LGI1: variants seen among roughly 807,000 people sequenced by gnomAD.
LGI1 encodes the protein leucine-rich glioma-inactivated protein 1.
LGI1 carries 11 observed loss-of-function variants against 57.7 expected under a neutral mutation model. That is an observed-to-expected ratio of 0.19 (90% CI 0.12 to 0.32). LGI1 has a LOEUF of 0.32. Ranked by LOEUF, LGI1 falls within the 10% of genes least tolerant of loss-of-function variation. The pLI is 1.00. For missense variants in LGI1, 422 were observed against 661.9 expected (o/e 0.64, Z 3.98); for synonymous variants, 222 against 241.9 (o/e 0.92, Z 0.76).
chr10:93,794,782 C>T (rs746631770), intron 7 of LGI1: 1 of 151,778 alleles, frequency 6.6e-6, no homozygotes, highest in Non-Finnish European at 1.5e-5. Context: ...GCTTCTAATA[C>T]CTTTAAATCT....
intron 4 of LGI1, among the ~76,000 whole-genome samples, chr10:93,784,592 C>T (rs1474517426): frequency 2.0e-5 from 3 of 152,142 alleles, no homozygotes; most frequent in Non-Finnish European, 4.4e-5. Flanking sequence ...GCCTGGTACT[C>T]CTTAAACCAA....
chr10:93,789,865 T>C, intron 4 of LGI1: 1 of 501,182 alleles, frequency 2.0e-6, no homozygotes, highest in African/African-American at 1.9e-5. Flanking sequence ...GAGCGAGACT[T>C]TTGTCTCAAG....
At chr10:93,790,076 C>T (rs1052902687) in intron 4 of LGI1, 23 bp from the exon 5 acceptor site, 24 of 1,342,916 alleles carry the variant, frequency 1.8e-5, no homozygotes, top group Non-Finnish European at 2.2e-5. Flanking sequence ...CAGTTTACAT[C>T]ACCTTTTTTT....
Position 93,793,232 on chromosome 10 carries a change from C to A in LGI1, c.720C>A (p.Asp240Glu), listed in dbSNP as rs2059951179. Residue 240 changes from aspartate (D) to glutamate (E), a missense_variant, in exon 7 of 8, where the codon GAC becomes GAA. Around this residue, in one of 3 missense-constraint regions of LGI1, gnomAD observed 301 missense variants for 461.7 expected, o/e 0.65. Transcript: ENST00000371418. ...QDLPYQSLSI[D>E]TFSYLNDEYV... The stretch of plus-strand genomic sequence containing the variant: ...TGCCTTATCAATCATTGTCCATAGA[C>A]ACTTTTTCTTATTTGAATGATGAGT... The A allele has an allele frequency of 1.9e-6, 3 of 1,613,254 alleles. No homozygotes were observed. The highest frequency in any genetic ancestry group is 2.5e-6 in the Non-Finnish European group (3 of 1,179,430).
chr10:93,758,952 T>A lies in LGI1; in HGVS notation c.287+121T>A. 1.2e-6 allele frequency: 1 copy of A among 807,374 alleles called. No homozygotes were observed. The highest frequency in any genetic ancestry group is 1.5e-5 in the South Asian group (1 of 67,188). The allele number at this position is 807,374 out of a possible 1,614,324, so 50.0% of individuals were successfully genotyped here. On this transcript the variant is annotated intron_variant, in intron 2 of 7. Coordinates refer to ENST00000371418, the MANE Select transcript of LGI1 (RefSeq NM_005097.4). The surrounding 1 kb of genome is among the most constrained non-coding windows in gnomAD (Gnocchi z 4.7). ...ATTCTATTTCTGAGAAAACAGAATATCCGTAAAGTGAGAGGTAGATGGGTT... is the reference window on the plus strand; with the variant it reads ...ATTCTATTTCTGAGAAAACAGAATAACCGTAAAGTGAGAGGTAGATGGGTT...
At chr10:93,770,868 G>T (rs1477599018) in intron 2 of LGI1, 1 of 152,010 alleles carries the variant, frequency 6.6e-6, no homozygotes, top group Non-Finnish European at 1.5e-5. Flanking sequence ...AATTTTAAAA[G>T]ATGAGTACAG....
Position 93,758,574 on chromosome 10 carries a change from C to A in LGI1, c.216-186C>A. 1 of 688,164 alleles carries A rather than the reference C, an allele frequency of 1.5e-6. No individual in the cohort carries two copies. The highest frequency in any genetic ancestry group is 2.5e-6 in the Non-Finnish European group (1 of 399,296). The allele number at this position is 688,164 out of a possible 1,614,324, so 42.6% of individuals were successfully genotyped here. Reference sequence around the variant, plus strand: ...AGATACCCCCAGCCCTGAACATTATCATGAGAAACCTGTAGCCGATTCATT... The same window carrying A: ...AGATACCCCCAGCCCTGAACATTATAATGAGAAACCTGTAGCCGATTCATT... On this transcript the variant is annotated intron_variant, in intron 1 of 7. Transcript: ENST00000371418. The surrounding 1 kb of genome is among the most constrained non-coding windows in gnomAD (Gnocchi z 4.7).
intron 4 of LGI1, 39 bp from the exon 5 acceptor site, chr10:93,790,060 T>C: frequency 6.5e-7 from 1 of 1,540,702 alleles, no homozygotes; most frequent in Non-Finnish European, 8.8e-7. Context: ...GTTTAATTTA[T>C]CACTACAGTT....
At chr10:93,792,651 G>A in intron 5 of LGI1, 92 bp from the exon 6 acceptor site, 15 of 1,330,626 alleles carry the variant, frequency 1.1e-5, no homozygotes, top group Non-Finnish European at 1.6e-5. Flanking sequence ...GCCGGGTAAG[G>A]TCATTCTGCA....
In LGI1 at chr10:93,797,846, C is replaced by A; in HGVS notation, c.*43C>A. On this transcript the variant is annotated 3_prime_UTR_variant, in exon 8 of 8. Coordinates refer to ENST00000371418, the MANE Select transcript of LGI1 (RefSeq NM_005097.4). The surrounding 1 kb of genome is among the most constrained non-coding windows in gnomAD (Gnocchi z 6.5). ...CTGCCATCAGAAATTTTCTACAGTA[C>A]ATGACCCGGATGAACTCAATGCATG... The A allele has an allele frequency of 7.4e-7, 1 of 1,351,634 alleles. No homozygotes were observed. The highest frequency in any genetic ancestry group is 1.0e-6 in the Non-Finnish European group (1 of 954,598). 83.7% of individuals were successfully genotyped at this position (1,351,634 alleles called of 1,614,324 possible). A position where few individuals can be genotyped will look rare whatever the true frequency, so the allele number is the denominator to read the frequency against.
chr10:93,758,367 C>G lies in LGI1; in HGVS notation c.215+8C>G. On this transcript the variant is annotated splice_region_variant and intron_variant, in intron 1 of 7. Coordinates refer to ENST00000371418, the MANE Select transcript of LGI1 (RefSeq NM_005097.4). The surrounding 1 kb of genome is among the most constrained non-coding windows in gnomAD (Gnocchi z 4.7). ...TCCTGATGTTATCTCATTGTAAGGC[C>G]CGTAAGCATTTTGATATCTAATTTA... is the stretch of plus-strand genomic sequence containing the variant. 6.2e-7 allele frequency: 1 copy of G among 1,612,352 alleles called. No individual in the cohort carries two copies.
intron 2 of LGI1, chr10:93,764,991 A>G (rs1451010639): frequency 6.6e-6 from 1 of 152,204 alleles, no homozygotes; most frequent in African/African-American, 2.4e-5. Context: ...ACCTTTCAAA[A>G]AAAAGTCATA....
chr10:93,768,914 G>C (rs549461696), intron 2 of LGI1: 3 of 152,312 alleles, frequency 2.0e-5, no homozygotes, highest in East Asian at 3.9e-4. Flanking sequence ...ATCAATCCAG[G>C]TTGAAGAGTT....
chr10:93,758,966 G>A lies in LGI1; in HGVS notation c.287+135G>A, dbSNP rs2059594900. The stretch of plus-strand genomic sequence containing the variant: ...AAAACAGAATATCCGTAAAGTGAGA[G>A]GTAGATGGGTTTGTTTGCGACTTCA... On this transcript the variant is annotated intron_variant, in intron 2 of 7. Coordinates refer to ENST00000371418, the MANE Select transcript of LGI1 (RefSeq NM_005097.4). The surrounding 1 kb of genome is among the most constrained non-coding windows in gnomAD (Gnocchi z 4.7). 1 of 732,786 alleles carries A rather than the reference G, an allele frequency of 1.4e-6. No homozygotes were observed. Among genetic ancestry groups the A allele is most frequent in the Non-Finnish European group, 2.3e-6 (1 of 428,146 alleles). The allele number at this position is 732,786 out of a possible 1,614,324, so 45.4% of individuals were successfully genotyped here.
intron 4 of LGI1, among the ~76,000 whole-genome samples, chr10:93,783,568 C>T (rs1480945170): frequency 6.6e-6 from 1 of 152,128 alleles, no homozygotes; most frequent in East Asian, 1.9e-4. Context: ...CTGGTGGGGA[C>T]TGCACTAGTC....
chr10:93,758,673 A>G lies in LGI1; in HGVS notation c.216-87A>G. ...GTCAAAATAGTCACTGTTATGCTAA[A>G]CCGGATTAACATAAGGTTTGTTCTG... is the stretch of plus-strand genomic sequence containing the variant. On this transcript the variant is annotated intron_variant, in intron 1 of 7. Transcript: ENST00000371418. This position sits in a 1 kb window ranked among gnomAD's most constrained non-coding sequence, Gnocchi z 4.7. The G allele has an allele frequency of 1.1e-6, 1 of 933,352 alleles. No individual in the cohort carries two copies. The highest frequency in any genetic ancestry group is 1.7e-6 in the Non-Finnish European group (1 of 576,954). The allele number at this position is 933,352 out of a possible 1,614,324, so 57.8% of individuals were successfully genotyped here. A position where few individuals can be genotyped will look rare whatever the true frequency, so the allele number is the denominator to read the frequency against.
At chr10:93,763,446 A>G (rs1385025428) in intron 2 of LGI1, 2 of 152,178 alleles carry the variant, frequency 1.3e-5, no homozygotes, top group Non-Finnish European at 1.5e-5. Context: ...TGTGTCTTTC[A>G]TGGAGGATCA....
At chr10:93,796,337 G>A (rs1472601161) in intron 7 of LGI1, among the ~76,000 whole-genome samples, 2 of 152,138 alleles carry the variant, frequency 1.3e-5, no homozygotes, top group African/African-American at 4.8e-5. Context: ...AGAGCCATGG[G>A]CTACCCAGAC....
At chr10:93,796,740 A>C (rs1187760389) in intron 7 of LGI1, among the ~76,000 whole-genome samples, 1 of 152,220 alleles carries the variant, frequency 6.6e-6, no homozygotes, top group Non-Finnish European at 1.5e-5. Context: ...CAGGCTAGAT[A>C]TGACATTAAC....
Sources: allele counts gnomAD v4.1 joint callset (sites outside exome capture counted in the v4.1 genomes callset), GRCh38; gene constraint gnomAD v4.1.1; regional missense constraint gnomAD v4.1.1; non-coding constraint Gnocchi (gnomAD v3.1); transcripts MANE v1.5; gene names NCBI Gene and HGNC (gene_info 2026-07-23, HGNC 2026-07-21).